PIK3C3: variants seen among roughly 807,000 people sequenced by gnomAD.
The protein encoded by PIK3C3 is phosphatidylinositol 3-kinase catalytic subunit type 3.
PIK3C3 carries 95 observed loss-of-function variants against 126.1 expected under a neutral mutation model. The ratio of observed to expected loss-of-function variants is 0.75; its 90% CI spans 0.64 to 0.89. The LOEUF (loss-of-function observed/expected upper bound fraction) is 0.89, where lower values mean the gene tolerates loss of function less well. PIK3C3 is among the 40% of genes least tolerant of loss of function. PIK3C3 has a pLI of 0.00. For missense variants in PIK3C3, 829 were observed against 1,063.2 expected (o/e 0.78, Z 3.06); for synonymous variants, 374 against 360.0 (o/e 1.04, Z -0.44).
At chr18:42,051,899 CA>C (rs1264615628) in intron 21 of PIK3C3, among the ~76,000 whole-genome samples, 1 of 151,834 alleles carries the variant, frequency 6.6e-6, no homozygotes, top group Non-Finnish European at 1.5e-5. Flanking sequence ...GGGTGCAGCA[CA>C]CCAACATGGC....
chr18:41,976,364 C>CA lies in PIK3C3; in HGVS notation c.531+5922dup, dbSNP rs5824387. Among the ~76,000 whole-genome samples the CA allele has an allele frequency of 6.2e-3, 867 of 139,166 alleles. 5 individuals are homozygous for CA. Among genetic ancestry groups the CA allele is most frequent in the African/African-American group, 0.013 (482 of 37,234 alleles). 91.3% of individuals were successfully genotyped at this position (139,166 alleles called of 152,430 possible). ...AGGCACACTTCTAAATGTTGAAGAC[C>CA]AAAAAAAAAAAAAATTGTATTACTA... On this transcript the variant is annotated intron_variant, in intron 4 of 24. Coordinates refer to ENST00000262039, the MANE Select transcript of PIK3C3 (RefSeq NM_002647.4).
chr18:41,969,630 T>C (rs1008403161), intron 3 of PIK3C3, among the ~76,000 whole-genome samples: 1 of 152,214 alleles, frequency 6.6e-6, no homozygotes, highest in Non-Finnish European at 1.5e-5. Flanking sequence ...TTTTAGAACA[T>C]GCCTTTTATG....
At chr18:42,065,492 T>A (rs1985497799) in intron 23 of PIK3C3, among the ~76,000 whole-genome samples, 1 of 152,212 alleles carries the variant, frequency 6.6e-6, no homozygotes, top group South Asian at 2.1e-4. Context: ...TAACAGCAGA[T>A]TGAGTTATGG....
intron 4 of PIK3C3, among the ~76,000 whole-genome samples, chr18:41,975,321 A>G (rs1239954796): frequency 6.6e-6 from 1 of 152,224 alleles, no homozygotes; most frequent in African/African-American, 2.4e-5. Context: ...GCATGTAGCA[A>G]TTTAGATTTA....
At chr18:42,061,995 A>G (rs1032397732) in intron 22 of PIK3C3, among the ~76,000 whole-genome samples, 5 of 151,688 alleles carry the variant, frequency 3.3e-5, no homozygotes, top group African/African-American at 1.2e-4. Flanking sequence ...AAAGTTCTGG[A>G]CTCGCTCATA....
chr18:42,048,005 T>C (rs1185024572), intron 20 of PIK3C3, among the ~76,000 whole-genome samples: 3 of 152,162 alleles, frequency 2.0e-5, no homozygotes, highest in Admixed American at 2.0e-4. Context: ...AATGAATGAG[T>C]ATGACTGTGT....
chr18:42,000,138 C>T (rs369355578), intron 9 of PIK3C3, among the ~76,000 whole-genome samples: 45 of 152,280 alleles, frequency 3.0e-4, no homozygotes, highest in African/African-American at 1.0e-3. Context: ...ACTGCAACCT[C>T]CCCCTCCCAG....
chr18:42,001,386 C>T (rs1982281606), intron 9 of PIK3C3, among the ~76,000 whole-genome samples: 1 of 152,186 alleles, frequency 6.6e-6, no homozygotes, highest in South Asian at 2.1e-4. Flanking sequence ...CCCAAACACC[C>T]TGGCTCTACA....
chr18:41,991,098 T>G (rs1180376452), intron 6 of PIK3C3, among the ~76,000 whole-genome samples: 4 of 152,202 alleles, frequency 2.6e-5, no homozygotes, highest in Non-Finnish European at 5.9e-5. Flanking sequence ...TGCTTTGTTC[T>G]GCCCATTATG....
chr18:42,027,399 A>G lies in PIK3C3; in HGVS notation c.1485-44A>G, dbSNP rs1357032624. ...ATATGAGTATTTACAAACTGAATCT[A>G]AGTTTCATTTCACATCACATGAATG... On this transcript the variant is annotated intron_variant, in intron 13 of 24. Coordinates refer to ENST00000262039, the MANE Select transcript of PIK3C3 (RefSeq NM_002647.4). 2.7e-6 allele frequency: 3 copies of G among 1,104,124 alleles called. No homozygotes were observed. In the African/African-American group the frequency reaches 4.7e-5, roughly 17 times the overall value. The allele number at this position is 1,104,124 out of a possible 1,614,324, so 68.4% of individuals were successfully genotyped here.
chr18:42,018,189 G>A (rs368096000), intron 12 of PIK3C3, among the ~76,000 whole-genome samples: 1 of 151,916 alleles, frequency 6.6e-6, no homozygotes, highest in South Asian at 2.1e-4. Flanking sequence ...CCTACAATAT[G>A]TGATCTTTTT....
intron 21 of PIK3C3, 194 bp downstream of exon 21, chr18:42,049,799 C>T: frequency 2.2e-6 from 1 of 447,124 alleles, no homozygotes; most frequent in Non-Finnish European, 4.1e-6. Context: ...CATGGAGAAA[C>T]CCCGTCTCTA....
rs1484281022 is a variant in PIK3C3, at chr18:42,083,636, T to G, written c.*2499T>G. ...GTATATATTATAATAACAGTCAACA[T>G]GATGTAGGGGCTCAGTATTACATGG... is the stretch of plus-strand genomic sequence containing the variant. On this transcript the variant is annotated 3_prime_UTR_variant, in exon 25 of 25. Coordinates refer to ENST00000262039, the MANE Select transcript of PIK3C3 (RefSeq NM_002647.4). 2 of 152,230 alleles carry G rather than the reference T, an allele frequency of 1.3e-5. No individual in the cohort carries two copies. Among genetic ancestry groups the G allele is most frequent in the Non-Finnish European group, 2.9e-5 (2 of 68,042 alleles). The allele number at this position is 152,230 out of a possible 1,614,324, so 9.4% of individuals were successfully genotyped here.
chr18:42,071,774 T>C lies in PIK3C3; in HGVS notation c.2649+4261T>C, dbSNP rs1401841648. Among the ~76,000 whole-genome samples, 7 of 149,784 alleles carry C rather than the reference T, an allele frequency of 4.7e-5. No homozygotes were observed. The East Asian group carries it at 1.2e-3, about 26-fold the overall frequency. On this transcript the variant is annotated intron_variant, in intron 24 of 24. Transcript: ENST00000262039. ...AGAAAACTTAGTTAGTTGTTCTAAC[T>C]TATCAGACAGATTCAGTTCTTTTTT...
intron 6 of PIK3C3, 86 bp downstream of exon 6, chr18:41,990,640 T>C: frequency 1.4e-6 from 1 of 729,634 alleles, no homozygotes; most frequent in Non-Finnish European, 2.4e-6. Flanking sequence ...CTGGGATGAA[T>C]TATTTGGTTG....
rs1485567057 is a variant in PIK3C3 at position 42,006,768 on chromosome 18, A to G, written c.1170+2227A>G. The stretch of plus-strand genomic sequence containing the variant: ...TTTACTTAACCATTGGGCCTCTTTT[A>G]TAGGCTGTTGTTCCCATTCTTTTCC... On this transcript the variant is annotated intron_variant, in intron 10 of 24. Transcript: ENST00000262039. Among the ~76,000 whole-genome samples the G allele has an allele frequency of 4.6e-5, 7 of 151,276 alleles. No homozygotes were observed. The South Asian group carries it at 8.3e-4, about 18-fold the overall frequency.
At chr18:42,032,083 G>A (rs1401191168) in intron 15 of PIK3C3, among the ~76,000 whole-genome samples, 1 of 152,218 alleles carries the variant, frequency 6.6e-6, no homozygotes, top group Non-Finnish European at 1.5e-5. Flanking sequence ...TAATAGAGTG[G>A]CCAGGTAAGG....
chr18:42,041,872 C>G (rs1984339006), intron 19 of PIK3C3, among the ~76,000 whole-genome samples: 1 of 152,182 alleles, frequency 6.6e-6, no homozygotes, highest in Non-Finnish European at 1.5e-5. Flanking sequence ...TTGAATTCCA[C>G]CTGTGTAACT....
intron 15 of PIK3C3, among the ~76,000 whole-genome samples, chr18:42,031,427 T>G (rs1050340739): frequency 1.3e-5 from 2 of 151,966 alleles, no homozygotes; most frequent in Non-Finnish European, 2.9e-5. Flanking sequence ...TTCATCTACT[T>G]TTTTTTTGAG....
Sources: gnomAD v4.1 joint callset for allele counts (sites outside exome capture counted in the v4.1 genomes callset) on GRCh38, gnomAD v4.1.1 for gene constraint, MANE v1.5 for transcripts, NCBI Gene and HGNC (gene_info 2026-07-23, HGNC 2026-07-21) for gene names.